NCEH1: variants seen among roughly 807,000 people sequenced by gnomAD.
NCEH1 encodes the protein 2-acetyl MAGE hydrolase.
In NCEH1, 9 loss-of-function variants were observed where a neutral mutation model predicts 25.4. The observed-to-expected ratio is 0.35, with a 90% confidence interval of 0.21 to 0.62. The LOEUF (loss-of-function observed/expected upper bound fraction) is 0.62, where lower values mean the gene tolerates loss of function less well. NCEH1 is among the 20% of genes least tolerant of loss of function. The pLI is 0.72. For synonymous variants in NCEH1, 200 were observed against 199.8 expected (o/e 1.00, Z -0.01); for missense variants, 412 against 501.1 (o/e 0.82, Z 1.70).
chr3:172,656,770 A>T (rs1273710883), intron 1 of NCEH1, among the ~76,000 whole-genome samples: 1 of 152,112 alleles, frequency 6.6e-6, no homozygotes, highest in Non-Finnish European at 1.5e-5. Flanking sequence ...CGGCCAAAAA[A>T]AAAGACAGTG....
rs748178199 is a variant in NCEH1, at chr3:172,636,131, T to C, written c.438-44A>G. 37 of 1,418,904 alleles carry C rather than the reference T, an allele frequency of 2.6e-5. No individual in the cohort carries two copies. The Admixed American group carries it at 6.2e-4, about 24-fold the overall frequency. The allele number at this position is 1,418,904 out of a possible 1,614,324, so 87.9% of individuals were successfully genotyped here. A position where few individuals can be genotyped will look rare whatever the true frequency, so the allele number is the denominator to read the frequency against. Reference sequence around the variant, plus strand: ...TATTCATTTAAGGCCTTCTCCAATTTTGGGGGACATTTAAAGTTTAGATGG... The same window carrying C: ...TATTCATTTAAGGCCTTCTCCAATTCTGGGGGACATTTAAAGTTTAGATGG... On this transcript the variant is annotated intron_variant, in intron 3 of 4. Transcript: ENST00000475381.
In NCEH1 at chr3:172,632,351, T is replaced by C. The variant is rs939334336; in HGVS notation, c.*1124A>G. On this transcript the variant is annotated 3_prime_UTR_variant, in exon 5 of 5. Transcript: ENST00000475381. ...AACCCTAAGGCAGTTTTTTAAAAAA[T>C]ACCATTGTTTTTAATATTTATTATG... 3.3e-5 allele frequency: 5 copies of C among 152,316 alleles called. No homozygotes were observed. The East Asian group carries it at 7.7e-4, about 23-fold the overall frequency. 9.4% of individuals were successfully genotyped at this position (152,316 alleles called of 1,614,324 possible).
At chr3:172,705,687 T>A (rs1713940160) in intron 1 of NCEH1, among the ~76,000 whole-genome samples, 1 of 152,116 alleles carries the variant, frequency 6.6e-6, no homozygotes, top group East Asian at 1.9e-4. Context: ...TTCCCTTGTA[T>A]GCAAGCCCCT....
In NCEH1 at chr3:172,633,425, C is replaced by G. The variant is rs759842602; in HGVS notation, c.*50G>C. On this transcript the variant is annotated 3_prime_UTR_variant, in exon 5 of 5. Coordinates refer to ENST00000475381, the MANE Select transcript of NCEH1 (RefSeq NM_020792.6). ...CTAAAAAGTGCATGTCTTTCCAAAG[C>G]AGGTGTAGGAGGTCAAGAGGGGCTC... 6.5e-7 allele frequency: 1 copy of G among 1,544,810 alleles called. No individual in the cohort carries two copies. Among genetic ancestry groups the G allele is most frequent in the Non-Finnish European group, 8.8e-7 (1 of 1,141,354 alleles).
At chr3:172,638,265 G>A (rs1434351147) in intron 3 of NCEH1, among the ~76,000 whole-genome samples, 11 of 83,078 alleles carry the variant, frequency 1.3e-4, no homozygotes, top group Non-Finnish European at 1.8e-4. Flanking sequence ...GCGACAGAAC[G>A]AGACTCTGTC....
intron 4 of NCEH1, among the ~76,000 whole-genome samples, chr3:172,635,221 T>C (rs1035740555): frequency 7.2e-5 from 11 of 152,336 alleles, no homozygotes; most frequent in African/African-American, 1.7e-4. Flanking sequence ...TCTTGAATTA[T>C]AGCAAAAGAG....
rs543993872 is a variant in NCEH1, at chr3:172,670,262, A to G, written c.139-22148T>C. Among the ~76,000 whole-genome samples the G allele has an allele frequency of 7.2e-5, 11 of 152,354 alleles. No individual in the cohort carries two copies. In the East Asian group the frequency reaches 1.7e-3, roughly 24 times the overall value. Reference sequence around the variant, plus strand: ...TCAGCTGAAAGCAAAGAGGTTCTCAAGAGCTGTCAGCCTTTCTCCTTTATG... The same window carrying G: ...TCAGCTGAAAGCAAAGAGGTTCTCAGGAGCTGTCAGCCTTTCTCCTTTATG... On this transcript the variant is annotated intron_variant, in intron 1 of 4. Transcript: ENST00000475381.
intron 1 of NCEH1, among the ~76,000 whole-genome samples, chr3:172,663,159 T>G (rs993155915): frequency 6.6e-6 from 1 of 152,250 alleles, no homozygotes; most frequent in East Asian, 1.9e-4. Flanking sequence ...TGGTATGTCA[T>G]GTCTTTGTTC....
chr3:172,670,119 C>A (rs114307937), intron 1 of NCEH1, among the ~76,000 whole-genome samples: 1 of 152,088 alleles, frequency 6.6e-6, no homozygotes, highest in Non-Finnish European at 1.5e-5. Context: ...CATCCTATAA[C>A]GGCAGACATG....
At chr3:172,653,752 G>GTTTTTTTTTTTTTTTTTTTTTTTT (rs375874414) in intron 1 of NCEH1, among the ~76,000 whole-genome samples, 1 of 83,840 alleles carries the variant, frequency 1.2e-5, no homozygotes, top group African/African-American at 4.2e-5. Context: ...TTGTTTTTTT[G>GTTTTTTTTTTTTTTTTTTTTTTTT]TTTTTTTGTT....
intron 1 of NCEH1, among the ~76,000 whole-genome samples, chr3:172,659,992 T>C (rs1209236742): frequency 3.3e-5 from 5 of 152,156 alleles, no homozygotes; most frequent in African/African-American, 1.2e-4. Flanking sequence ...TTTCTTTTTT[T>C]TTTTTTATAC....
intron 1 of NCEH1, among the ~76,000 whole-genome samples, chr3:172,700,066 G>T (rs936500761): frequency 2.6e-5 from 4 of 152,096 alleles, no homozygotes; most frequent in African/African-American, 9.7e-5. Flanking sequence ...TTCCCAATAG[G>T]TATTCTACAA....
At chr3:172,665,364 A>G (rs1007501985) in intron 1 of NCEH1, among the ~76,000 whole-genome samples, 2 of 152,088 alleles carry the variant, frequency 1.3e-5, no homozygotes, top group Admixed American at 1.3e-4. Flanking sequence ...TTTGTCTCAG[A>G]GGGGCACCTG....
chr3:172,709,212 G>A (rs928778029), intron 1 of NCEH1, among the ~76,000 whole-genome samples: 3 of 152,192 alleles, frequency 2.0e-5, no homozygotes, highest in South Asian at 2.1e-4. Flanking sequence ...TAGCTTGTCC[G>A]AGATTAACTT....
intron 1 of NCEH1, among the ~76,000 whole-genome samples, chr3:172,653,756 T>TTTTTTG (rs746384086): frequency 1.0e-5 from 1 of 96,958 alleles, no homozygotes; most frequent in South Asian, 3.4e-4. Context: ...TTTTTTGTTT[T>TTTTTTG]TTTGTTTTTT....
chr3:172,680,180 GA>G (rs1712260776), intron 1 of NCEH1, among the ~76,000 whole-genome samples: 1 of 152,174 alleles, frequency 6.6e-6, no homozygotes, highest in Non-Finnish European at 1.5e-5. Context: ...TTAAAGGTGT[GA>G]AATAGACTCT....
intron 1 of NCEH1, among the ~76,000 whole-genome samples, chr3:172,684,995 A>G (rs1003747844): frequency 2.7e-5 from 4 of 150,114 alleles, no homozygotes; most frequent in African/African-American, 9.8e-5. Context: ...CCCATCCCCA[A>G]AAAAAAGACC....
At chr3:172,706,499 C>CTTTTCTTT (rs1713996901) in intron 1 of NCEH1, among the ~76,000 whole-genome samples, 2 of 126,466 alleles carry the variant, frequency 1.6e-5, no homozygotes, top group African/African-American at 3.1e-5. Flanking sequence ...TTACATTTTT[C>CTTTTCTTT]TTTTTTTTTT....
intron 1 of NCEH1, among the ~76,000 whole-genome samples, chr3:172,653,761 T>TTTTTTG (rs1560186583): frequency 6.1e-5 from 4 of 65,254 alleles, no homozygotes; most frequent in African/African-American, 2.2e-4. Flanking sequence ...TGTTTTTTTG[T>TTTTTTG]TTTTTTTTTT....
Sources: gnomAD v4.1 joint callset for allele counts (sites outside exome capture counted in the v4.1 genomes callset) on GRCh38, gnomAD v4.1.1 for gene constraint, MANE v1.5 for transcripts, NCBI Gene and HGNC (gene_info 2026-07-23, HGNC 2026-07-21) for gene names.